The following DPP6 variants were observed in gnomAD, a reference collection of about 807,000 sequenced individuals.
DPP6 encodes the protein dipeptidyl peptidase like 6.
Under a neutral mutation model 122.6 loss-of-function variants are expected in DPP6, and 69 were observed. The observed-to-expected ratio is 0.56, with a 90% CI of 0.46 to 0.69. DPP6 has a LOEUF of 0.69. Ranked by LOEUF, DPP6 falls within the 30% of genes least tolerant of loss-of-function variation. The pLI, the probability that DPP6 is intolerant of heterozygous loss-of-function variation, is 0.00. For missense variants in DPP6, 928 were observed against 1,116.9 expected (o/e 0.83, Z 2.41); for synonymous variants, 418 against 433.1 (o/e 0.97, Z 0.43).
rs538419786 is a variant in DPP6, at chr7:154,542,618, A to G, written c.552+1992A>G. ...CCACCATGGGTAAAGAAAAGTTCTC[A>G]TCTCAGAAATTCGCTGGCTTATTCT... On this transcript the variant is annotated intron_variant, in intron 4 of 25. Transcript: ENST00000377770. Among the ~76,000 whole-genome samples, 4 of 152,358 alleles carry G rather than the reference A, an allele frequency of 2.6e-5. No individual in the cohort carries two copies. The East Asian group carries it at 7.7e-4, about 29-fold the overall frequency.
chr7:154,580,171 ACACATG>A (rs1831962056), intron 5 of DPP6, among the ~76,000 whole-genome samples: 1 of 148,456 alleles, frequency 6.7e-6, no homozygotes. Context: ...ACACACACAC[ACACATG>A]CACACATACT....
chr7:154,078,795 G>C (rs981170301), intron 1 of DPP6, among the ~76,000 whole-genome samples: 4 of 152,086 alleles, frequency 2.6e-5, no homozygotes, highest in African/African-American at 9.7e-5. Context: ...CCTGGTTTTA[G>C]ACTTTAATTT....
chr7:154,773,551 C>A (rs1416810279), intron 10 of DPP6, among the ~76,000 whole-genome samples: 4 of 151,576 alleles, frequency 2.6e-5, no homozygotes, highest in African/African-American at 9.7e-5. Context: ...AATGATTATA[C>A]TTCCAGAGTC....
At chr7:153,767,534 A>ATTTT in the DPP6 span, among the ~76,000 whole-genome samples, 5 of 137,634 alleles carry the variant, frequency 3.6e-5, no homozygotes, top group African/African-American at 1.4e-4. Context: ...CACCCGGTTA[A>ATTTT]TTTTTTTTTT....
chr7:154,220,966 G>T (rs1800269618), intron 1 of DPP6, among the ~76,000 whole-genome samples: 1 of 152,106 alleles, frequency 6.6e-6, no homozygotes, highest in South Asian at 2.1e-4. Context: ...GATAAACAGA[G>T]TTTGACCATA....
chr7:154,655,161 T>C (rs980284219), intron 6 of DPP6, among the ~76,000 whole-genome samples: 3 of 152,178 alleles, frequency 2.0e-5, no homozygotes, highest in African/African-American at 7.2e-5. Context: ...TTTTGGTGCC[T>C]TTGGTGATAA....
rs2150448329 is a variant in DPP6, at chr7:154,801,347, G to T, written c.1300-8G>T. ...AGTTGTGGTTTCATCCGTGGCCTTT[G>T]TCCACAGAATGAAGAACCTGTGTTC... On this transcript the variant is annotated splice_polypyrimidine_tract_variant and splice_region_variant and intron_variant, in intron 12 of 25. Coordinates refer to ENST00000377770, the MANE Select transcript of DPP6 (RefSeq NM_130797.4). 6.3e-7 allele frequency: 1 copy of T among 1,575,956 alleles called. No individual in the cohort carries two copies.
chr7:154,837,134 T>C (rs780875181), intron 16 of DPP6, among the ~76,000 whole-genome samples: 5 of 151,580 alleles, frequency 3.3e-5, no homozygotes, highest in South Asian at 2.1e-4. Context: ...TGCAGGCACA[T>C]TCACACATGC....
At chr7:154,188,506 G>A (rs1028881593) in intron 1 of DPP6, among the ~76,000 whole-genome samples, 1 of 152,048 alleles carries the variant, frequency 6.6e-6, no homozygotes, top group Non-Finnish European at 1.5e-5. Flanking sequence ...TAATGTGGGG[G>A]TCTCTAAGTC....
chr7:154,508,261 GC>G lies in DPP6; in HGVS notation c.458-32268del, dbSNP rs370532982. 1.1e-3 allele frequency among the ~76,000 whole-genome samples: 170 copies of G among 152,118 alleles called. 1 individual carries two copies. The highest frequency in any genetic ancestry group is 4.0e-3 in the African/African-American group (166 of 41,500). ...TCTTATACCTGGATTCTCCATCTCT[GC>G]CCAGACACTACACTAATTTGGATAG... On this transcript the variant is annotated intron_variant, in intron 3 of 25. Transcript: ENST00000377770.
chr7:154,167,727 A>T (rs903037079), intron 1 of DPP6, among the ~76,000 whole-genome samples: 5 of 152,222 alleles, frequency 3.3e-5, no homozygotes, highest in Non-Finnish European at 7.3e-5. Context: ...TGGCAAGAAG[A>T]ATCTAGCCTT....
intron 1 of DPP6, among the ~76,000 whole-genome samples, chr7:154,270,118 A>G (rs1307435533): frequency 6.6e-6 from 1 of 152,200 alleles, no homozygotes; most frequent in African/African-American, 2.4e-5. Context: ...ATTGAGTTTA[A>G]CATGTGGGAA....
chr7:154,392,478 C>G (rs1268981714), intron 1 of DPP6, among the ~76,000 whole-genome samples: 1 of 152,104 alleles, frequency 6.6e-6, no homozygotes, highest in Non-Finnish European at 1.5e-5. Flanking sequence ...GTGGATTCAC[C>G]ACATCCTCCA....
chr7:154,861,242 CTAAGA>C (rs1295940501), intron 17 of DPP6, among the ~76,000 whole-genome samples: 1 of 152,170 alleles, frequency 6.6e-6, no homozygotes, highest in African/African-American at 2.4e-5. Flanking sequence ...TCATGAATCC[CTAAGA>C]TAATTTTTGA....
At chr7:153,921,657 C>G (rs1184158457) in intron 1 of DPP6, among the ~76,000 whole-genome samples, 1 of 152,202 alleles carries the variant, frequency 6.6e-6, no homozygotes, top group Non-Finnish European at 1.5e-5. Flanking sequence ...CCAGCAAGCT[C>G]TGCACACAGT....
chr7:154,564,254 A>G (rs1398796350), intron 4 of DPP6, among the ~76,000 whole-genome samples: 1 of 152,148 alleles, frequency 6.6e-6, no homozygotes, highest in East Asian at 1.9e-4. Flanking sequence ...TTAAGAATGA[A>G]TAGGAGGAGA....
chr7:154,853,691 G>A (rs896347587), intron 16 of DPP6, 89 bp from the exon 17 acceptor site: 17 of 1,543,118 alleles, frequency 1.1e-5, no homozygotes, highest in South Asian at 4.9e-5. Flanking sequence ...GTCTATCTAC[G>A]TGGCATAAGA....
chr7:154,152,801 C>T (rs1253827414), intron 1 of DPP6, among the ~76,000 whole-genome samples: 2 of 152,198 alleles, frequency 1.3e-5, no homozygotes, highest in African/African-American at 2.4e-5. Context: ...ACAAGAAATC[C>T]AGTAAGCAGC....
intron 3 of DPP6, among the ~76,000 whole-genome samples, chr7:154,506,212 AT>A (rs1007005984): frequency 1.4e-4 from 20 of 145,432 alleles, no homozygotes; most frequent in African/African-American, 4.7e-4. Flanking sequence ...TTTTTGTAGG[AT>A]TTTACACACA....
Sources: gnomAD v4.1 joint callset for allele counts (sites outside exome capture counted in the v4.1 genomes callset) on GRCh38, gnomAD v4.1.1 for gene constraint, MANE v1.5 for transcripts, NCBI Gene and HGNC (gene_info 2026-07-23, HGNC 2026-07-21) for gene names.